The following NELL1 variants were observed in gnomAD, a reference collection of about 807,000 sequenced individuals.
NELL1 encodes the protein protein kinase C-binding protein NELL1.
NELL1 carries 76 observed loss-of-function variants against 107.4 expected under a neutral mutation model. The ratio of observed to expected loss-of-function variants is 0.71; its 90% CI spans 0.59 to 0.86. The LOEUF is 0.86. Among genes scored for constraint, NELL1 ranks in the 40% least tolerant of loss-of-function variants. The probability of loss-of-function intolerance (pLI) is 0.00; values close to 1 mark genes in which losing one functional copy is unlikely to be tolerated. For synonymous variants in NELL1, 353 were observed against 341.2 expected, an observed-to-expected ratio of 1.03 and a Z score of -0.38; for missense variants, 1,024 against 1,005.5, an observed-to-expected ratio of 1.02 and a Z score of -0.25.
intron 17 of NELL1, 58 bp from the exon 18 acceptor site, chr11:21,570,706 G>A (rs1311801183): frequency 1.3e-6 from 2 of 1,534,920 alleles, no homozygotes; most frequent in Non-Finnish European, 1.8e-6. Flanking sequence ...ATTTCTCTTA[G>A]TGTAGCTGTC....
chr11:21,151,463 G>A (rs775283471), intron 13 of NELL1, among the ~76,000 whole-genome samples: 1 of 152,154 alleles, frequency 6.6e-6, no homozygotes, highest in African/African-American at 2.4e-5. Flanking sequence ...CATGCTGCGT[G>A]TTGATGGTGC....
chr11:21,491,338 G>A (rs1341944128), intron 15 of NELL1, among the ~76,000 whole-genome samples: 1 of 152,086 alleles, frequency 6.6e-6, no homozygotes, highest in Non-Finnish European at 1.5e-5. Flanking sequence ...TAGGTCTAAC[G>A]TTTAAGTCTT....
chr11:20,802,688 A>G (rs1236619963), intron 3 of NELL1, among the ~76,000 whole-genome samples: 3 of 152,160 alleles, frequency 2.0e-5, no homozygotes, highest in Admixed American at 6.5e-5. Context: ...ATTCAGTACT[A>G]TGATAGCTAT....
At chr11:21,018,957 G>C (rs1852634181) in intron 12 of NELL1, among the ~76,000 whole-genome samples, 1 of 152,058 alleles carries the variant, frequency 6.6e-6, no homozygotes, top group African/African-American at 2.4e-5. Flanking sequence ...CACTCAAGAT[G>C]ATTTAGTCAT....
At chr11:21,337,855 TTCTTTC>T (rs1850469430) in intron 14 of NELL1, among the ~76,000 whole-genome samples, 1 of 149,918 alleles carries the variant, frequency 6.7e-6, no homozygotes, top group East Asian at 2.0e-4. Flanking sequence ...CTTTCTTTCT[TTCTTTC>T]TTTCTTTCTT....
intron 15 of NELL1, among the ~76,000 whole-genome samples, chr11:21,438,194 C>A (rs1220371054): frequency 6.6e-6 from 1 of 151,724 alleles, no homozygotes; most frequent in Non-Finnish European, 1.5e-5. Flanking sequence ...TTTTGCTCAT[C>A]TGGAATAGAG....
chr11:21,018,372 T>C (rs2134297620), intron 12 of NELL1, among the ~76,000 whole-genome samples: 1 of 152,230 alleles, frequency 6.6e-6, no homozygotes, highest in East Asian at 1.9e-4. Context: ...TCTGTCATCC[T>C]GTAAGAGCTG....
intron 15 of NELL1, among the ~76,000 whole-genome samples, chr11:21,485,062 A>G (rs1590968709): frequency 6.6e-6 from 1 of 152,266 alleles, no homozygotes; most frequent in Middle Eastern, 3.4e-3. Flanking sequence ...TCAGGGTTTC[A>G]TATACTTGCC....
At chr11:21,275,104 A>G (rs1848825336) in intron 14 of NELL1, among the ~76,000 whole-genome samples, 1 of 152,224 alleles carries the variant, frequency 6.6e-6, no homozygotes, top group South Asian at 2.1e-4. Context: ...AAATCAATGA[A>G]TCCAGGAGCT....
intron 7 of NELL1, 139 bp from the exon 8 acceptor site, chr11:20,927,169 C>A: frequency 2.9e-6 from 2 of 694,476 alleles, no homozygotes; most frequent in Non-Finnish European, 4.6e-6. Flanking sequence ...AAACAAAAAA[C>A]AGATAATGCT....
intron 13 of NELL1, among the ~76,000 whole-genome samples, chr11:21,209,304 A>G (rs1467120959): frequency 7.3e-6 from 1 of 136,480 alleles, no homozygotes; most frequent in Non-Finnish European, 1.6e-5. Context: ...CACATTAACT[A>G]TAAAATAAAT....
chr11:21,460,269 G>T (rs1157805730), intron 15 of NELL1, among the ~76,000 whole-genome samples: 1 of 152,094 alleles, frequency 6.6e-6, no homozygotes, highest in South Asian at 2.1e-4. Flanking sequence ...TCAGTCCAGT[G>T]AATGAGAGTG....
In NELL1 at chr11:20,824,616, G is replaced by A. The variant is rs1160548114; in HGVS notation, c.336-22967G>A. Among the ~76,000 whole-genome samples the A allele has an allele frequency of 5.9e-5, 9 of 151,318 alleles. 2 individuals are homozygous for A. The highest frequency in any genetic ancestry group is 1.7e-4 in the African/African-American group (7 of 41,382). On this transcript the variant is annotated intron_variant, in intron 3 of 19. Transcript: ENST00000357134. ...TGATAGTAATATGGACAATGAAGTC[G>A]AGGCTGGGATGGTCTCAAACAGAGA...
chr11:21,503,477 T>C (rs1855201208), intron 15 of NELL1, among the ~76,000 whole-genome samples: 2 of 152,328 alleles, frequency 1.3e-5, no homozygotes, highest in South Asian at 4.1e-4. Context: ...TGTCTCACTT[T>C]TGCTATTTTT....
chr11:20,862,007 A>T (rs1049761458), intron 4 of NELL1, among the ~76,000 whole-genome samples: 4 of 152,242 alleles, frequency 2.6e-5, no homozygotes, highest in African/African-American at 9.6e-5. Context: ...TGTTTACTTT[A>T]GAAGTTTAGA....
chr11:21,207,963 A>C (rs1857424116), intron 13 of NELL1, among the ~76,000 whole-genome samples: 1 of 152,184 alleles, frequency 6.6e-6, no homozygotes, highest in Non-Finnish European at 1.5e-5. Context: ...TAGATCATAA[A>C]AAGGTTACAA....
At chr11:21,064,785 C>CCA (rs1185574705) in intron 12 of NELL1, among the ~76,000 whole-genome samples, 2 of 151,958 alleles carry the variant, frequency 1.3e-5, no homozygotes, top group African/African-American at 4.8e-5. Flanking sequence ...TAAAACACAC[C>CCA]CACATCTCCT....
chr11:20,772,234 C>G (rs1856654359), intron 2 of NELL1, among the ~76,000 whole-genome samples: 3 of 152,248 alleles, frequency 2.0e-5, no homozygotes, highest in South Asian at 4.1e-4. Context: ...AGTTTAGACT[C>G]TGGGAGGAGG....
At chr11:20,802,448 A>G (rs1189639237) in intron 3 of NELL1, among the ~76,000 whole-genome samples, 4 of 149,184 alleles carry the variant, frequency 2.7e-5, no homozygotes, top group Admixed American at 6.7e-5. Context: ...GAATTTGTTT[A>G]TCAGTTCTAA....
Sources: gnomAD v4.1 joint callset for allele counts (sites outside exome capture counted in the v4.1 genomes callset) on GRCh38, gnomAD v4.1.1 for gene constraint, MANE v1.5 for transcripts, NCBI Gene and HGNC (gene_info 2026-07-23, HGNC 2026-07-21) for gene names.